Variants in LRRC37A2 observed in about 807,000 individuals in gnomAD.
The protein encoded by LRRC37A2 is leucine-rich repeat-containing protein 37A2.
LRRC37A2 carries 9 observed loss-of-function variants against 68.8 expected under a neutral mutation model. The ratio of observed to expected loss-of-function variants is 0.13; its 90% CI spans 0.08 to 0.23. LRRC37A2 has a LOEUF of 0.23. Ranked by LOEUF, LRRC37A2 falls within the 10% of genes least tolerant of loss-of-function variation. LRRC37A2 has a pLI of 1.00. For synonymous variants in LRRC37A2, 63 were observed against 367.6 expected, an observed-to-expected ratio of 0.17 and a Z score of 9.48; for missense variants, 168 against 950.4, an observed-to-expected ratio of 0.18 and a Z score of 10.82.
At chr17:46,984,622 C>T in the LRRC37A2 span, among the ~76,000 whole-genome samples, 1 of 152,206 alleles carries the variant, frequency 6.6e-6, no homozygotes, top group Non-Finnish European at 1.5e-5. Context: ...TCTAGATGAA[C>T]CTTTAGCCCT....
chr17:46,823,275 C>T, the LRRC37A2 span, among the ~76,000 whole-genome samples: 1 of 145,742 alleles, frequency 6.9e-6, no homozygotes, highest in Non-Finnish European at 1.5e-5. Flanking sequence ...AGTGCAATGG[C>T]GCGGTCTCGA....
the LRRC37A2 span, among the ~76,000 whole-genome samples, chr17:46,493,398 G>C: frequency 4.6e-5 from 6 of 130,804 alleles, 1 homozygote; most frequent in African/African-American, 1.9e-4. Context: ...CTGGGCTCAA[G>C]CGATCTGCCT....
chr17:47,000,044 A>T, the LRRC37A2 span, among the ~76,000 whole-genome samples: 2,203 of 30,248 alleles, frequency 0.073, 272 homozygotes, highest in African/African-American at 0.13. Flanking sequence ...AAAATAAAAT[A>T]AAATAAAATA....
the LRRC37A2 span, chr17:46,768,614 G>A: frequency 3.1e-6 from 5 of 1,614,036 alleles, no homozygotes; most frequent in African/African-American, 5.3e-5. The surrounding 1 kb of genome is among the most constrained non-coding windows in gnomAD (Gnocchi z 5.0). Context: ...TGGCCCGGAG[G>A]GTCTCCACCC....
At chr17:46,558,469 C>T (rs1443061588), downstream of LRRC37A2, among the ~76,000 whole-genome samples, 37 of 120,580 alleles carry the variant, frequency 3.1e-4, no homozygotes, top group Non-Finnish European at 8.5e-5. Flanking sequence ...TGACTGCAAC[C>T]TCTGCCTTCC....
the LRRC37A2 span, among the ~76,000 whole-genome samples, chr17:46,845,677 G>A: frequency 7.6e-4 from 115 of 151,358 alleles, no homozygotes; most frequent in African/African-American, 2.6e-3. Flanking sequence ...TTTTAGTAGA[G>A]ATGGGTTTCA....
At chr17:46,879,756 G>A in the LRRC37A2 span, among the ~76,000 whole-genome samples, 2 of 152,236 alleles carry the variant, frequency 1.3e-5, no homozygotes, top group Admixed American at 6.5e-5. Context: ...ATACCACTGT[G>A]AGCCCAAGAA....
chr17:46,887,431 A>T, the LRRC37A2 span, among the ~76,000 whole-genome samples: 4 of 64,514 alleles, frequency 6.2e-5, no homozygotes, highest in East Asian at 1.2e-3. Context: ...CTCATTCATT[A>T]AAAAAAAAAA....
At chr17:46,676,452 G>A in the LRRC37A2 span, among the ~76,000 whole-genome samples, 2 of 137,340 alleles carry the variant, frequency 1.5e-5, no homozygotes, top group Non-Finnish European at 3.0e-5. Context: ...GGCTGGTCTC[G>A]AGCTCCCAGC....
At chr17:46,954,355 G>A in the LRRC37A2 span, among the ~76,000 whole-genome samples, 1 of 152,264 alleles carries the variant, frequency 6.6e-6, no homozygotes, top group Admixed American at 6.5e-5. Flanking sequence ...TAGATAAGCG[G>A]CATTATTTCT....
the LRRC37A2 span, among the ~76,000 whole-genome samples, chr17:46,729,539 T>C: frequency 1.0e-4 from 1 of 9,602 alleles, no homozygotes; most frequent in African/African-American, 1.5e-4. Flanking sequence ...CCTATGAAGG[T>C]TGGTTAAATA....
At chr17:47,000,538 A>G in the LRRC37A2 span, among the ~76,000 whole-genome samples, 1 of 151,870 alleles carries the variant, frequency 6.6e-6, no homozygotes, top group East Asian at 1.9e-4. Context: ...CCGGCCCACG[A>G]TTACTTTTTT....
the LRRC37A2 span, chr17:46,941,096 A>T: frequency 1.2e-4 from 121 of 1,041,792 alleles, 1 homozygote; most frequent in African/African-American, 1.9e-3. Flanking sequence ...TGGTGTGCCT[A>T]TTGTGATTTA....
chr17:46,848,244 A>G, the LRRC37A2 span, among the ~76,000 whole-genome samples: 5 of 152,128 alleles, frequency 3.3e-5, no homozygotes, highest in African/African-American at 1.2e-4. Flanking sequence ...TGCCCCATGG[A>G]GCCCGTGTCC....
chr17:46,836,153 C>T, the LRRC37A2 span, among the ~76,000 whole-genome samples: 1,499 of 112,138 alleles, frequency 0.013, 24 homozygotes, highest in African/African-American at 0.054. Context: ...GTGGTGGTGG[C>T]GGGGCAATTA....
At chr17:46,876,564 G>C in the LRRC37A2 span, 1 of 1,613,638 alleles carries the variant, frequency 6.2e-7, no homozygotes, top group Non-Finnish European at 8.5e-7. Flanking sequence ...GTGTGCTCCC[G>C]GGAGGCCAGC....
the LRRC37A2 span, among the ~76,000 whole-genome samples, chr17:46,846,161 A>G: frequency 6.6e-6 from 1 of 152,172 alleles, no homozygotes; most frequent in Non-Finnish European, 1.5e-5. Context: ...ACAGAACTGG[A>G]CTGCTCAAAG....
the LRRC37A2 span, among the ~76,000 whole-genome samples, chr17:46,890,518 G>A: frequency 6.6e-6 from 1 of 152,164 alleles, no homozygotes; most frequent in African/African-American, 2.4e-5. Flanking sequence ...CTGGTGTCGT[G>A]TGACAGCACT....
the LRRC37A2 span, among the ~76,000 whole-genome samples, chr17:46,805,429 C>T: frequency 2.6e-5 from 4 of 151,738 alleles, no homozygotes; most frequent in African/African-American, 4.8e-5. Context: ...AAAAATTAGC[C>T]AGGTGTGGTG....
Sources: allele counts gnomAD v4.1 joint callset (sites outside exome capture counted in the v4.1 genomes callset), GRCh38; gene constraint gnomAD v4.1.1; non-coding constraint Gnocchi (gnomAD v3.1); transcripts MANE v1.5; gene names NCBI Gene and HGNC (gene_info 2026-07-23, HGNC 2026-07-21).